SDK1: variants seen among roughly 807,000 people sequenced by gnomAD.
The protein encoded by SDK1 is sidekick cell adhesion molecule 1, also known as protein sidekick-1.
SDK1 carries 157 observed loss-of-function variants against 245.5 expected under a neutral mutation model. That is an observed-to-expected ratio of 0.64 (90% CI 0.56 to 0.73). SDK1 has a LOEUF of 0.73. Ranked by LOEUF, SDK1 falls within the 30% of genes least tolerant of loss-of-function variation. SDK1 has a pLI of 0.00. For synonymous variants in SDK1, 1,647 were observed against 1,278.5 expected, an observed-to-expected ratio of 1.29 and a Z score of -6.15; for missense variants, 3,583 against 3,002.3, an observed-to-expected ratio of 1.19 and a Z score of -4.52.
intron 4 of SDK1, among the ~76,000 whole-genome samples, chr7:3,819,492 A>G (rs759151050): frequency 4.6e-5 from 7 of 152,134 alleles, no homozygotes; most frequent in Non-Finnish European, 1.0e-4. Flanking sequence ...AAAAAGTTAT[A>G]TATTCAGTTT....
intron 14 of SDK1, among the ~76,000 whole-genome samples, chr7:3,994,231 T>G (rs1340371815): frequency 6.6e-6 from 1 of 152,130 alleles, no homozygotes; most frequent in Non-Finnish European, 1.5e-5. Flanking sequence ...AAGCCTCAGA[T>G]TCTTGTAACC....
At chr7:3,849,263 C>G (rs1282638863) in intron 5 of SDK1, among the ~76,000 whole-genome samples, 1 of 152,176 alleles carries the variant, frequency 6.6e-6, no homozygotes, top group Admixed American at 6.5e-5. Context: ...GAGATGCACC[C>G]ACTCCTGGCT....
At chr7:3,686,115 G>A (rs1262729496) in intron 4 of SDK1, among the ~76,000 whole-genome samples, 1 of 152,030 alleles carries the variant, frequency 6.6e-6, no homozygotes, top group African/African-American at 2.4e-5. Flanking sequence ...TGCTCTTGTT[G>A]CCCATGCTGG....
chr7:3,498,431 G>T (rs557103110), intron 1 of SDK1, among the ~76,000 whole-genome samples: 1 of 152,282 alleles, frequency 6.6e-6, no homozygotes, highest in South Asian at 2.1e-4. Context: ...TCTATAAAAT[G>T]AATGATGATA....
chr7:3,520,113 A>C (rs1782885327), intron 1 of SDK1, among the ~76,000 whole-genome samples: 1 of 152,310 alleles, frequency 6.6e-6, no homozygotes, highest in African/African-American at 2.4e-5. Context: ...AGGCAAGTAA[A>C]AATGCTAGAT....
chr7:3,981,775 A>G (rs559487787), intron 13 of SDK1, among the ~76,000 whole-genome samples: 1 of 152,322 alleles, frequency 6.6e-6, no homozygotes, highest in South Asian at 2.1e-4. Flanking sequence ...CTGCAGAAGA[A>G]AAATTGGAAG....
At chr7:4,238,784 G>A in intron 42 of SDK1, among the ~76,000 whole-genome samples, 1 of 151,820 alleles carries the variant, frequency 6.6e-6, no homozygotes, top group East Asian at 1.9e-4. Flanking sequence ...CTCACCTCAG[G>A]TGATCCACCT....
chr7:3,996,354 A>G (rs545226891), intron 14 of SDK1, among the ~76,000 whole-genome samples: 4 of 152,288 alleles, frequency 2.6e-5, no homozygotes, highest in African/African-American at 9.6e-5. Context: ...GAATTTTGTT[A>G]TTACTTGTCA....
At chr7:3,941,182 C>G (rs889926864) in intron 5 of SDK1, among the ~76,000 whole-genome samples, 3 of 152,138 alleles carry the variant, frequency 2.0e-5, no homozygotes, top group Non-Finnish European at 4.4e-5. Flanking sequence ...TCTCCTCTCC[C>G]TTTGTCCCCT....
chr7:3,416,803 C>T (rs890030646), intron 1 of SDK1, among the ~76,000 whole-genome samples: 23 of 152,136 alleles, frequency 1.5e-4, no homozygotes, highest in African/African-American at 5.3e-4. Flanking sequence ...TTCTGATCCC[C>T]ATCTGTCTGT....
intron 1 of SDK1, among the ~76,000 whole-genome samples, chr7:3,490,022 G>C (rs1047875163): frequency 1.3e-5 from 2 of 152,020 alleles, no homozygotes; most frequent in South Asian, 2.1e-4. Flanking sequence ...TTGCATTTTT[G>C]TTGAGAGAAT....
intron 4 of SDK1, among the ~76,000 whole-genome samples, chr7:3,645,890 G>C (rs182748146): frequency 6.6e-6 from 1 of 151,368 alleles, no homozygotes; most frequent in Non-Finnish European, 1.5e-5. Flanking sequence ...ATGGAGTCTT[G>C]TTCTGTTGCC....
chr7:3,364,029 A>C (rs1781022151), intron 1 of SDK1, among the ~76,000 whole-genome samples: 2 of 152,058 alleles, frequency 1.3e-5, no homozygotes, highest in African/African-American at 4.8e-5. Context: ...TTTTGGTTTT[A>C]ATTTGCATTC....
chr7:4,060,917 G>A (rs976000359), intron 19 of SDK1, among the ~76,000 whole-genome samples: 2 of 151,712 alleles, frequency 1.3e-5, no homozygotes, highest in Non-Finnish European at 2.9e-5. Flanking sequence ...CCCATTGCTT[G>A]TTTTTCTCAG....
At chr7:4,083,385 C>T (rs994149529) in intron 22 of SDK1, among the ~76,000 whole-genome samples, 1 of 152,134 alleles carries the variant, frequency 6.6e-6, no homozygotes, top group African/African-American at 2.4e-5. Context: ...TGAGAAAACC[C>T]AGCCAGTCAT....
chr7:3,408,848 G>A (rs1453777889), intron 1 of SDK1, among the ~76,000 whole-genome samples: 2 of 152,146 alleles, frequency 1.3e-5, no homozygotes, highest in Admixed American at 1.3e-4. Flanking sequence ...TTATAAAATA[G>A]CAGTGCTACT....
At chr7:3,335,208 T>G (rs1780168438) in intron 1 of SDK1, among the ~76,000 whole-genome samples, 1 of 152,162 alleles carries the variant, frequency 6.6e-6, no homozygotes. Context: ...CTCACTTAGA[T>G]TATAAATACT....
intron 4 of SDK1, among the ~76,000 whole-genome samples, chr7:3,701,567 C>T (rs1350024059): frequency 6.6e-6 from 1 of 151,978 alleles, no homozygotes; most frequent in East Asian, 1.9e-4. Flanking sequence ...CTACAGTGCC[C>T]TAGCTTGGGT....
Position 4,237,150 on chromosome 7 carries a change from C to T in SDK1, c.5993-497C>T, listed in dbSNP as rs544439657. On this transcript the variant is annotated intron_variant, in intron 41 of 44. Coordinates refer to ENST00000404826, the MANE Select transcript of SDK1 (RefSeq NM_152744.4). ...TAAGCCATCCTCCCACCTCAGCCTT[C>T]CACAGTGCTGGGACTTCAGGCACAC... 8.1e-4 allele frequency among the ~76,000 whole-genome samples: 124 copies of T among 152,264 alleles called. 1 individual carries two copies. Among genetic ancestry groups the T allele is most frequent in the Admixed American group, 3.5e-3 (54 of 15,294 alleles).
Sources: gnomAD v4.1 joint callset for allele counts (sites outside exome capture counted in the v4.1 genomes callset) on GRCh38, gnomAD v4.1.1 for gene constraint, MANE v1.5 for transcripts, NCBI Gene and HGNC (gene_info 2026-07-23, HGNC 2026-07-21) for gene names.